Variants in AFF2 observed in about 807,000 individuals in gnomAD.
AFF2 encodes the protein ALF transcription elongation factor 2, also known as AF4/FMR2 family member 2.
AFF2 carries 14 observed loss-of-function variants against 76.9 expected under a neutral mutation model. That is an observed-to-expected ratio of 0.18 (90% CI 0.12 to 0.28). AFF2 has a LOEUF of 0.28. Ranked by LOEUF, AFF2 falls within the 10% of genes least tolerant of loss-of-function variation. The pLI, the probability that AFF2 is intolerant of heterozygous loss-of-function variation, is 1.00. For synonymous variants in AFF2, 398 were observed against 366.7 expected, an observed-to-expected ratio of 1.09 and a Z score of -0.98; for missense variants, 868 against 1,001.1, an observed-to-expected ratio of 0.87 and a Z score of 1.79.
chrX:148,968,826 A>G lies in AFF2; in HGVS notation c.3267+1134A>G, dbSNP rs782351607. On this transcript the variant is annotated intron_variant, in intron 15 of 20. Transcript: ENST00000370460. ...ACAAGGCAGGCTGGGTGCTAGCTCCATTGGAGATGCCAGGACAACAGTGCC... is the reference window on the plus strand; with the variant it reads ...ACAAGGCAGGCTGGGTGCTAGCTCCGTTGGAGATGCCAGGACAACAGTGCC... Among the ~76,000 whole-genome samples, 10 of 112,257 alleles carry G rather than the reference A, an allele frequency of 8.9e-5. No individual in the cohort carries two copies. In the East Asian group the frequency reaches 2.8e-3, roughly 32 times the overall value.
At chrX:148,862,462 C>T (rs1052578004) in intron 7 of AFF2, among the ~76,000 whole-genome samples, 5 of 111,400 alleles carry the variant, frequency 4.5e-5, no homozygotes, top group African/African-American at 1.6e-4. Context: ...GGAGGTGATG[C>T]GTTATACACA....
intron 3 of AFF2, among the ~76,000 whole-genome samples, chrX:148,730,703 A>T (rs2055210443): frequency 8.9e-6 from 1 of 112,679 alleles, no homozygotes; most frequent in African/African-American, 3.2e-5. Context: ...AAAACACCCA[A>T]AGCCAATGTT....
chrX:148,932,398 C>T (rs1892366089), intron 9 of AFF2, among the ~76,000 whole-genome samples: 1 of 111,594 alleles, frequency 9.0e-6, no homozygotes, highest in African/African-American at 3.3e-5. Flanking sequence ...ATTTGTTGTT[C>T]CCTTTTGCAT....
chrX:148,523,442 A>G (rs2052622256), intron 1 of AFF2, among the ~76,000 whole-genome samples: 1 of 112,163 alleles, frequency 8.9e-6, no homozygotes. Context: ...ATCTATTTTC[A>G]TTATACATAT....
intron 1 of AFF2, among the ~76,000 whole-genome samples, chrX:148,516,393 C>A (rs1172452385): frequency 4.5e-5 from 5 of 111,662 alleles, no homozygotes; most frequent in African/African-American, 1.6e-4. Flanking sequence ...TCTCTAATTG[C>A]CACAATATGA....
intron 13 of AFF2, among the ~76,000 whole-genome samples, chrX:148,965,702 A>G (rs1557288577): frequency 8.9e-6 from 1 of 112,474 alleles, no homozygotes; most frequent in African/African-American, 3.2e-5. Flanking sequence ...TAAGATGGTC[A>G]CTGTAGGCTG....
intron 1 of AFF2, among the ~76,000 whole-genome samples, chrX:148,528,968 A>G (rs1367683268): frequency 9.0e-6 from 1 of 111,679 alleles, no homozygotes; most frequent in Non-Finnish European, 1.9e-5. Context: ...CGGATAAGTT[A>G]TTTTAAAGAT....
chrX:148,725,858 G>C (rs2055149133), intron 3 of AFF2, among the ~76,000 whole-genome samples: 1 of 112,302 alleles, frequency 8.9e-6, no homozygotes, highest in Non-Finnish European at 1.9e-5. Flanking sequence ...AGATGGCCAA[G>C]AGTTTCTTGA....
chrX:148,666,146 G>A (rs1557258415), intron 3 of AFF2, among the ~76,000 whole-genome samples: 2 of 112,225 alleles, frequency 1.8e-5, no homozygotes, highest in Admixed American at 1.9e-4. Context: ...ATATAGTGGG[G>A]AAATTTTTAT....
rs143691805 is a variant in AFF2, at chrX:148,816,933, C to CAAAA, written c.1086+7023_1086+7026dup. The stretch of plus-strand genomic sequence containing the variant: ...AAAAAGAATCACCACAAGATCTATG[C>CAAAA]AAAAAAAAAAAAATACACAAAAAAG... On this transcript the variant is annotated intron_variant, in intron 4 of 20. Coordinates refer to ENST00000370460, the MANE Select transcript of AFF2 (RefSeq NM_002025.4). Among the ~76,000 whole-genome samples the CAAAA allele has an allele frequency of 2.3e-3, 191 of 84,444 alleles. 3 individuals carry two copies. The highest frequency in any genetic ancestry group is 8.0e-3 in the African/African-American group (183 of 22,734). The allele number at this position is 84,444 out of a possible 115,157, so 73.3% of individuals were successfully genotyped here.
intron 9 of AFF2, among the ~76,000 whole-genome samples, chrX:148,931,082 G>A (rs375473690): frequency 4.6e-5 from 5 of 108,572 alleles, no homozygotes; most frequent in Non-Finnish European, 9.6e-5. Flanking sequence ...GTGAAACCCC[G>A]TCTCTATTAA....
chrX:148,722,391 G>A (rs2055104751), intron 3 of AFF2, among the ~76,000 whole-genome samples: 1 of 110,233 alleles, frequency 9.1e-6, no homozygotes, highest in African/African-American at 3.3e-5. Context: ...CTCTTTTTTT[G>A]TCTTATTCCC....
At position 148,967,031 on chromosome X, in the gene AFF2, CCAG is replaced by C; in HGVS notation, c.3164_3166del (p.Ser1055del). On this transcript the variant is annotated inframe_deletion, in exon 14 of 21. Transcript: ENST00000370460. ...TCCTGGGCGGCTCTGCCCCTTCTATCCAGCAGCAGCACTAATGTCCGGAGACCC... is the reference window on the plus strand; with the variant it reads ...TCCTGGGCGGCTCTGCCCCTTCTATCCAGCAGCACTAATGTCCGGAGACCC... 8.3e-7 allele frequency: 1 copy of C among 1,211,563 alleles called. No homozygotes were observed. Among genetic ancestry groups the C allele is most frequent in the South Asian group, 1.8e-5 (1 of 56,964 alleles).
At chrX:148,975,377 C>A (rs2124406238) in intron 16 of AFF2, among the ~76,000 whole-genome samples, 1 of 112,202 alleles carries the variant, frequency 8.9e-6, no homozygotes, top group African/African-American at 3.2e-5. Context: ...GTAGGACACT[C>A]AACAGAATAC....
chrX:148,756,047 T>C (rs1569554944), intron 3 of AFF2, among the ~76,000 whole-genome samples: 1 of 112,192 alleles, frequency 8.9e-6, no homozygotes, highest in Non-Finnish European at 1.9e-5. Flanking sequence ...TCATATAAAA[T>C]AGGCTTTAGA....
At chrX:148,777,399 A>T (rs1557268682) in intron 3 of AFF2, among the ~76,000 whole-genome samples, 1 of 111,859 alleles carries the variant, frequency 8.9e-6, no homozygotes, top group Non-Finnish European at 1.9e-5. Flanking sequence ...GAAGAAAGTC[A>T]ATGGTAGCTT....
intron 8 of AFF2, 111 bp downstream of exon 8, chrX:148,886,096 T>G (rs2071156675): frequency 1.7e-6 from 1 of 592,480 alleles, no homozygotes; most frequent in African/African-American, 2.2e-5. Flanking sequence ...ATCTCTGGGC[T>G]TTGGAGAGAG....
At chrX:148,732,482 G>A (rs1372155111) in intron 3 of AFF2, among the ~76,000 whole-genome samples, 3 of 89,596 alleles carry the variant, frequency 3.3e-5, no homozygotes, top group Non-Finnish European at 6.5e-5. Flanking sequence ...GCTAGATGAC[G>A]AGTTAGTGGG....
chrX:148,671,355 C>A lies in AFF2; in HGVS notation c.1041+8587C>A, dbSNP rs781802639. Among the ~76,000 whole-genome samples the A allele has an allele frequency of 1.2e-4, 13 of 111,994 alleles. No homozygotes were observed. In the East Asian group the frequency reaches 1.7e-3, roughly 14 times the overall value. On this transcript the variant is annotated intron_variant, in intron 3 of 20. Coordinates refer to ENST00000370460, the MANE Select transcript of AFF2 (RefSeq NM_002025.4). Reference sequence around the variant, plus strand: ...TGAGGCAGTTGAAAATAAATCTCTACTTTGGAAAGTGTGAAATATTGCAAA... The same window carrying A: ...TGAGGCAGTTGAAAATAAATCTCTAATTTGGAAAGTGTGAAATATTGCAAA...
Sources: gnomAD v4.1 joint callset for allele counts (sites outside exome capture counted in the v4.1 genomes callset) on GRCh38, gnomAD v4.1.1 for gene constraint, MANE v1.5 for transcripts, NCBI Gene and HGNC (gene_info 2026-07-23, HGNC 2026-07-21) for gene names.